Variants in TPD52 observed in about 807,000 individuals in gnomAD.
The protein encoded by TPD52 is tumor protein D52.
A neutral mutation model predicts 31.3 loss-of-function variants in TPD52; 17 were observed. The ratio of observed to expected loss-of-function variants is 0.54; its 90% CI spans 0.37 to 0.82. The LOEUF is 0.82. Ranked by LOEUF, TPD52 falls within the 40% of genes least tolerant of loss-of-function variation. The pLI, the probability that TPD52 is intolerant of heterozygous loss-of-function variation, is 0.00. For missense variants in TPD52, 212 were observed against 240.1 expected (o/e 0.88, Z 0.77); for synonymous variants, 83 against 89.6 (o/e 0.93, Z 0.42).
chr8:80,159,123 T>C (rs1405207144), intron 1 of TPD52, among the ~76,000 whole-genome samples: 1 of 152,166 alleles, frequency 6.6e-6, no homozygotes, highest in African/African-American at 2.4e-5. Flanking sequence ...AAGTATCTAA[T>C]ATTCAGTTTC....
intron 1 of TPD52, among the ~76,000 whole-genome samples, chr8:80,153,874 A>G (rs1259394734): frequency 6.6e-6 from 1 of 152,028 alleles, no homozygotes; most frequent in Non-Finnish European, 1.5e-5. Context: ...CCTAGGAAAC[A>G]CTCCTTCAAT....
chr8:80,067,662 C>T (rs963910634), intron 1 of TPD52, among the ~76,000 whole-genome samples: 7 of 151,950 alleles, frequency 4.6e-5, no homozygotes, highest in South Asian at 2.1e-4. Context: ...TAAACCTAGA[C>T]GGTCTGATGT....
At chr8:80,067,505 C>G (rs1323211416) in intron 1 of TPD52, 4 of 152,072 alleles carry the variant, frequency 2.6e-5, no homozygotes, top group Non-Finnish European at 5.9e-5. Flanking sequence ...CAGACAAGTC[C>G]AAATTAAGTG....
At chr8:80,160,841 C>T (rs1834522) in intron 1 of TPD52, among the ~76,000 whole-genome samples, 66,134 of 142,922 alleles carry the variant, frequency 0.46, 15,087 homozygotes, top group East Asian at 0.73. Context: ...CTCAGGAGTT[C>T]GAGACCAGCC....
At chr8:80,046,293 CAG>C (rs1810842546) in intron 5 of TPD52, among the ~76,000 whole-genome samples, 1 of 152,192 alleles carries the variant, frequency 6.6e-6, no homozygotes. Flanking sequence ...AATCAGTTAA[CAG>C]AGTCAAAGTC....
chr8:80,076,606 A>G (rs1287632293), intron 1 of TPD52, among the ~76,000 whole-genome samples: 2 of 152,144 alleles, frequency 1.3e-5, no homozygotes, highest in African/African-American at 2.4e-5. Context: ...TGTACATCAA[A>G]CCCCTATGAC....
chr8:80,050,308 A>T, intron 5 of TPD52, 137 bp downstream of exon 5: 2 of 702,858 alleles, frequency 2.8e-6, no homozygotes, highest in South Asian at 2.8e-5. Context: ...GGAATGCACT[A>T]GAGAAAAAGA....
At chr8:80,070,451 T>C (rs992911021) in intron 1 of TPD52, among the ~76,000 whole-genome samples, 3 of 152,146 alleles carry the variant, frequency 2.0e-5, no homozygotes, top group Admixed American at 6.5e-5. Flanking sequence ...TGGGGGTTGA[T>C]GATTTTGAGA....
At chr8:80,051,872 A>T in intron 3 of TPD52, 3 of 403,452 alleles carry the variant, frequency 7.4e-6, no homozygotes, top group Non-Finnish European at 1.3e-5. Flanking sequence ...AGAGTCCTAT[A>T]AAGGCAGGGC....
At chr8:80,075,170 G>A (rs544981509) in intron 1 of TPD52, among the ~76,000 whole-genome samples, 2 of 152,184 alleles carry the variant, frequency 1.3e-5, no homozygotes, top group Non-Finnish European at 2.9e-5. Flanking sequence ...AGTAGAGACA[G>A]GGTTCACCAT....
chr8:80,149,074 A>T (rs1017839650), intron 1 of TPD52, among the ~76,000 whole-genome samples: 1 of 152,146 alleles, frequency 6.6e-6, no homozygotes, highest in African/African-American at 2.4e-5. Flanking sequence ...AAACAAAACC[A>T]AACAAAAAAA....
intron 1 of TPD52, among the ~76,000 whole-genome samples, chr8:80,154,484 C>CTA (rs1810792345): frequency 6.6e-6 from 1 of 152,168 alleles, no homozygotes; most frequent in East Asian, 1.9e-4. Context: ...TTCCCTCTCC[C>CTA]CTTAAGTGAT....
chr8:80,140,825 A>G (rs1443508420), intron 1 of TPD52, among the ~76,000 whole-genome samples: 1 of 152,176 alleles, frequency 6.6e-6, no homozygotes, highest in African/African-American at 2.4e-5. Context: ...ATGGGGAAAC[A>G]CTACCAAACT....
chr8:80,134,943 C>A (rs977496869), intron 1 of TPD52, among the ~76,000 whole-genome samples: 20 of 152,196 alleles, frequency 1.3e-4, no homozygotes, highest in African/African-American at 4.8e-4. Context: ...TAATGCCAAT[C>A]CAAACCCTGA....
At chr8:80,107,297 A>G (rs1807202517) in intron 1 of TPD52, among the ~76,000 whole-genome samples, 1 of 152,194 alleles carries the variant, frequency 6.6e-6, no homozygotes, top group Non-Finnish European at 1.5e-5. Flanking sequence ...CATTACATCA[A>G]TTCAGCTAAT....
intron 1 of TPD52, among the ~76,000 whole-genome samples, chr8:80,084,284 C>T (rs949579257): frequency 6.6e-6 from 1 of 152,224 alleles, no homozygotes. Context: ...AGGCATGGGC[C>T]TGTGCTTCAG....
chr8:80,162,966 C>T (rs994879038), intron 1 of TPD52, among the ~76,000 whole-genome samples: 5 of 146,308 alleles, frequency 3.4e-5, no homozygotes, highest in Admixed American at 6.8e-5. Context: ...ACAAAAAAAA[C>T]GGGAAATAAC....
chr8:80,074,817 T>G (rs544235670), intron 1 of TPD52, among the ~76,000 whole-genome samples: 21 of 152,210 alleles, frequency 1.4e-4, no homozygotes, highest in Non-Finnish European at 2.8e-4. Flanking sequence ...AATTTTCCCA[T>G]GTGTGCCCAT....
chr8:80,154,731 ACACACACACACACACACACAC>A (rs1810815613), intron 1 of TPD52, among the ~76,000 whole-genome samples: 1 of 149,576 alleles, frequency 6.7e-6, no homozygotes, highest in African/African-American at 2.5e-5. Context: ...ACACACACAC[ACACACACACACACACACACAC>A]AAAACACCTA....
Sources: allele counts gnomAD v4.1 joint callset (sites outside exome capture counted in the v4.1 genomes callset), GRCh38; gene constraint gnomAD v4.1.1; transcripts MANE v1.5; gene names NCBI Gene and HGNC (gene_info 2026-07-23, HGNC 2026-07-21).